Variants in MSS51 observed in about 807,000 individuals in gnomAD.
MSS51 encodes putative protein MSS51 homolog, mitochondrial.
A neutral mutation model predicts 40.2 loss-of-function variants in MSS51; 32 were observed. The ratio of observed to expected loss-of-function variants is 0.80; its 90% CI spans 0.60 to 1.07. The LOEUF (loss-of-function observed/expected upper bound fraction) is 1.07. Among genes scored for constraint, MSS51 ranks in the 50% least tolerant of loss-of-function variants. MSS51 has a pLI of 0.00. For synonymous variants in MSS51, 178 were observed against 214.2 expected (o/e 0.83, Z 1.48); for missense variants, 518 against 568.9 (o/e 0.91, Z 0.91).
rs764557094 is a variant in MSS51 at position 73,424,511 on chromosome 10, A to T, written c.*42T>A. On this transcript the variant is annotated 3_prime_UTR_variant, in exon 7 of 7. Transcript: ENST00000299432. The stretch of plus-strand genomic sequence containing the variant: ...AACCTGGCATTAGCAGGGTAATTTC[A>T]TCACAAACTCCCCGTTTTCCAGATG... 6.7e-7 allele frequency: 1 copy of T among 1,486,720 alleles called. No homozygotes were observed. The highest frequency in any genetic ancestry group is 1.1e-5 in the South Asian group (1 of 88,318). The allele number at this position is 1,486,720 out of a possible 1,614,324, so 92.1% of individuals were successfully genotyped here.
chr10:73,431,512 C>G (rs1437661410), intron 1 of MSS51, among the ~76,000 whole-genome samples: 4 of 152,108 alleles, frequency 2.6e-5, no homozygotes, highest in South Asian at 2.1e-4. Flanking sequence ...TAGGAAAAAC[C>G]TCAGAATCAT....
chr10:73,433,499 A>G lies in MSS51; in HGVS notation c.-18+14T>C, dbSNP rs1295879839. ...ACTAAGCAAGCAGACAGGTTGACGG[A>G]AAAAAAAACTTACCCTGCTAAGTCC... On this transcript the variant is annotated intron_variant, in intron 1 of 6. Coordinates refer to ENST00000299432, the MANE Select transcript of MSS51 (RefSeq NM_001024593.2). 1 of 151,582 alleles carries G rather than the reference A, an allele frequency of 6.6e-6. No individual in the cohort carries two copies. Among genetic ancestry groups the G allele is most frequent in the African/African-American group, 2.4e-5 (1 of 41,218 alleles). The allele number at this position is 151,582 out of a possible 1,614,324, so 9.4% of individuals were successfully genotyped here. A position where few individuals can be genotyped will look rare whatever the true frequency, so the allele number is the denominator to read the frequency against.
intron 5 of MSS51, 151 bp from the exon 6 acceptor site, chr10:73,425,342 C>A (rs11000652): frequency 3.2e-6 from 2 of 620,234 alleles, no homozygotes; most frequent in Non-Finnish European, 2.8e-6. Context: ...ATGAAAAATT[C>A]TGAACCCAAG....
chr10:73,431,866 A>G (rs2056031453), intron 1 of MSS51, among the ~76,000 whole-genome samples: 1 of 152,128 alleles, frequency 6.6e-6, no homozygotes, highest in East Asian at 1.9e-4. Flanking sequence ...CCTTTTACCA[A>G]AAGAGTAAAT....
At chr10:73,427,994 C>T in intron 2 of MSS51, 70 bp downstream of exon 2, 2 of 1,447,700 alleles carry the variant, frequency 1.4e-6, no homozygotes, top group African/African-American at 2.8e-5. Flanking sequence ...AACTGTACTC[C>T]CTCTCCACCT....
chr10:73,426,435 C>G (rs1353985719), intron 4 of MSS51, 58 bp from the exon 5 acceptor site: 25 of 1,578,552 alleles, frequency 1.6e-5, no homozygotes, highest in Non-Finnish European at 1.9e-5. Context: ...AAAATTTCCC[C>G]CTCACTAATG....
chr10:73,425,196 G>C lies in MSS51; in HGVS notation c.1070-5C>G. 2 of 1,572,552 alleles carry C rather than the reference G, an allele frequency of 1.3e-6. No individual in the cohort carries two copies. The highest frequency in any genetic ancestry group is 2.8e-5 in the African/African-American group (2 of 72,590). Reference sequence around the variant, plus strand: ...AGTCTGGGGAGGAATGAAAACCTGTGGAACAAAAATGAAAATGGGAATAGG... The same window carrying C: ...AGTCTGGGGAGGAATGAAAACCTGTCGAACAAAAATGAAAATGGGAATAGG... On this transcript the variant is annotated splice_polypyrimidine_tract_variant and splice_region_variant and intron_variant, in intron 5 of 6. Transcript: ENST00000299432.
At chr10:73,431,250 A>C (rs560332940) in intron 1 of MSS51, among the ~76,000 whole-genome samples, 11 of 152,332 alleles carry the variant, frequency 7.2e-5, no homozygotes, top group African/African-American at 2.4e-4. Flanking sequence ...ATGCCATTTA[A>C]TTGCTCACTT....
At chr10:73,426,813 C>T in intron 3 of MSS51, 82 bp from the exon 4 acceptor site, 3 of 1,513,110 alleles carry the variant, frequency 2.0e-6, no homozygotes, top group Non-Finnish European at 2.7e-6. Context: ...ATTCCTGCAC[C>T]TAGGATGGTG....
chr10:73,431,528 A>G (rs900674302), intron 1 of MSS51, among the ~76,000 whole-genome samples: 2 of 152,248 alleles, frequency 1.3e-5, no homozygotes, highest in African/African-American at 4.8e-5. Context: ...ATCATCATGC[A>G]GCTGAGGTGT....
chr10:73,425,761 A>C lies in MSS51; in HGVS notation c.1069+50T>G, dbSNP rs750222394. ...TCCAAAGACAGAAGATTCAGGATGGAAAATTCTCAGGGGAGCCACCCTCTA... is the reference window on the plus strand; with the variant it reads ...TCCAAAGACAGAAGATTCAGGATGGCAAATTCTCAGGGGAGCCACCCTCTA... On this transcript the variant is annotated intron_variant, in intron 5 of 6. Coordinates refer to ENST00000299432, the MANE Select transcript of MSS51 (RefSeq NM_001024593.2). The C allele has an allele frequency of 2.6e-6, 4 of 1,523,162 alleles. No homozygotes were observed. In the East Asian group the frequency reaches 9.1e-5, roughly 35 times the overall value. 94.4% of individuals were successfully genotyped at this position (1,523,162 alleles called of 1,614,324 possible).
chr10:73,432,160 T>C (rs1265309098), intron 1 of MSS51, among the ~76,000 whole-genome samples: 1 of 152,140 alleles, frequency 6.6e-6, no homozygotes, highest in Non-Finnish European at 1.5e-5. Context: ...TGCCTCAGCC[T>C]CCTGAGTAGC....
chr10:73,426,190 T>C lies in MSS51; in HGVS notation c.690A>G (p.Gly230=). 6.2e-7 allele frequency: 1 copy of C among 1,614,200 alleles called. No homozygotes were observed. ...RPRPDPDVLQ[G]SLKRLLTDVL... ...CATCTGTCAGCAGCCGCTTCAAAGA[T>C]CCCTGCAGGACATCCGGGTCTGGCC... is the stretch of plus-strand genomic sequence containing the variant. The change falls in exon 5 of 7, where the codon GGA becomes GGG. Residue 230 remains glycine (G), a synonymous_variant. Coordinates refer to ENST00000299432, the MANE Select transcript of MSS51 (RefSeq NM_001024593.2).
chr10:73,433,458 C>G (rs1009181108), intron 1 of MSS51, 55 bp downstream of exon 1: 1 of 152,132 alleles, frequency 6.6e-6, no homozygotes, highest in African/African-American at 2.4e-5. Context: ...GTGATAAATA[C>G]TTTACTCAAT....
At chr10:73,427,826 C>G in intron 2 of MSS51, 58 bp from the exon 3 acceptor site, 1 of 1,575,264 alleles carries the variant, frequency 6.3e-7, no homozygotes, top group Non-Finnish European at 8.7e-7. Context: ...TCCAAAATCT[C>G]TCATGCCCCC....
chr10:73,426,134 C>G lies in MSS51; in HGVS notation c.746G>C (p.Gly249Ala). The G allele has an allele frequency of 1.9e-6, 3 of 1,614,236 alleles. No homozygotes were observed. Among genetic ancestry groups the G allele is most frequent in the Non-Finnish European group, 2.5e-6 (3 of 1,180,038 alleles). The change falls in exon 5 of 7, where the codon GGA (glycine) becomes GCA (alanine). Residue 249 changes from glycine (G) to alanine (A), a missense_variant. Transcript: ENST00000299432. The stretch of plus-strand genomic sequence containing the variant: ...AACATCTATCCCCAAGGCCCTAAGT[C>G]CTAGGCCTAGAGTCAAGGGCCGTGA... ...VLSRPLTLGLGLRALGIDVRR... is the reference protein window; with the variant it reads ...VLSRPLTLGLALRALGIDVRR...
At position 73,428,086 on chromosome 10, in the gene MSS51, T is replaced by C. The variant is rs773261039; in HGVS notation, c.199A>G (p.Met67Val). 6.0e-5 allele frequency: 97 copies of C among 1,614,070 alleles called. No homozygotes were observed. In the South Asian group the frequency reaches 7.6e-4, roughly 13 times the overall value. ...CACTTATATTCTTCATAGCTTTTCA[T>C]GTTCAGCTTTTGAAGGATCAGCTGC... ...LSQLILQKLN[M>V]KSYEEYKLVV... The change falls in exon 2 of 7, where the codon ATG (methionine) becomes GTG (valine). Residue 67 changes from methionine to valine, a missense_variant. Physicochemically the swap from Met to Val is conservative, Grantham distance 21 (BLOSUM62 1). Transcript: ENST00000299432.
intron 5 of MSS51, 53 bp from the exon 6 acceptor site, chr10:73,425,244 G>C: frequency 8.2e-7 from 1 of 1,212,726 alleles, no homozygotes; most frequent in Non-Finnish European, 1.2e-6. Flanking sequence ...CAGACCCTAA[G>C]AGCAAGATAT....
At chr10:73,425,523 A>C (rs534329907) in intron 5 of MSS51, among the ~76,000 whole-genome samples, 5 of 151,908 alleles carry the variant, frequency 3.3e-5, no homozygotes, top group Admixed American at 6.6e-5. Flanking sequence ...AAATACAAAA[A>C]ATTAGCCAGG....
Sources: gnomAD v4.1 joint callset for allele counts (sites outside exome capture counted in the v4.1 genomes callset) on GRCh38, gnomAD v4.1.1 for gene constraint, MANE v1.5 for transcripts, NCBI Gene and HGNC (gene_info 2026-07-23, HGNC 2026-07-21) for gene names.